ROBO2: variants seen among roughly 807,000 people sequenced by gnomAD.
ROBO2 encodes roundabout guidance receptor 2.
ROBO2 carries 53 observed loss-of-function variants against 160.8 expected under a neutral mutation model. That is an observed-to-expected ratio of 0.33 (90% CI 0.26 to 0.41). The LOEUF (loss-of-function observed/expected upper bound fraction) is 0.41, where lower values mean the gene tolerates loss of function less well. Ranked by LOEUF, ROBO2 falls within the 10% of genes least tolerant of loss-of-function variation. The pLI is 1.00. For synonymous variants in ROBO2, 664 were observed against 611.7 expected (o/e 1.09, Z -1.26); for missense variants, 1,577 against 1,722.4 (o/e 0.92, Z 1.49).
intron 2 of ROBO2, among the ~76,000 whole-genome samples, chr3:76,644,771 C>T (rs554067683): frequency 6.6e-6 from 1 of 152,296 alleles, no homozygotes; most frequent in East Asian, 1.9e-4. Context: ...ACATCCACAG[C>T]TGTATAGGGT....
chr3:77,376,253 C>A (rs1171029222), intron 2 of ROBO2, among the ~76,000 whole-genome samples: 2 of 145,484 alleles, frequency 1.4e-5, no homozygotes, highest in Non-Finnish European at 3.0e-5. Flanking sequence ...CTCCCAGGTT[C>A]AAGCGATTCT....
intron 2 of ROBO2, among the ~76,000 whole-genome samples, chr3:77,112,155 G>A (rs912360744): frequency 7.9e-5 from 11 of 139,642 alleles, no homozygotes; most frequent in Non-Finnish European, 3.0e-5. Context: ...TCGCGCCGCC[G>A]TCGCATTCCA....
At chr3:76,563,591 T>C (rs2084332454) in intron 2 of ROBO2, among the ~76,000 whole-genome samples, 1 of 152,200 alleles carries the variant, frequency 6.6e-6, no homozygotes, top group Non-Finnish European at 1.5e-5. Flanking sequence ...TTCTTACTCA[T>C]CAATTGTTTA....
intron 2 of ROBO2, among the ~76,000 whole-genome samples, chr3:77,367,166 G>T (rs989197960): frequency 6.6e-6 from 1 of 152,024 alleles, no homozygotes; most frequent in Non-Finnish European, 1.5e-5. Context: ...CATTGGAACT[G>T]CAAGACCACC....
intron 2 of ROBO2, among the ~76,000 whole-genome samples, chr3:76,512,136 A>T (rs147626259): frequency 0.016 from 2,432 of 152,210 alleles, 23 homozygotes; most frequent in South Asian, 0.048. Context: ...AATGAGGCAG[A>T]TGACTCTGGG....
At chr3:75,916,426 G>A (rs1946809398) in intron 1 of ROBO2, among the ~76,000 whole-genome samples, 2 of 152,066 alleles carry the variant, frequency 1.3e-5, no homozygotes, top group Non-Finnish European at 2.9e-5. Flanking sequence ...ATACCAACAT[G>A]GCAGCTCACA....
intron 2 of ROBO2, among the ~76,000 whole-genome samples, chr3:76,082,934 G>A (rs2068882347): frequency 6.6e-6 from 1 of 152,072 alleles, no homozygotes; most frequent in African/African-American, 2.4e-5. Context: ...GCATAGAGTA[G>A]AGACTGCAGA....
At chr3:76,985,575 G>GAAAAAAAAA in intron 2 of ROBO2, among the ~76,000 whole-genome samples, 28 of 26,380 alleles carry the variant, frequency 1.1e-3, no homozygotes, top group African/African-American at 1.5e-3. Context: ...GACTCCGTCT[G>GAAAAAAAAA]AAAAAAAAAA....
chr3:76,756,200 G>A (rs2060958935), intron 2 of ROBO2, among the ~76,000 whole-genome samples: 1 of 151,634 alleles, frequency 6.6e-6, no homozygotes, highest in Non-Finnish European at 1.5e-5. Flanking sequence ...TTTACTCTTC[G>A]AATATGTTTC....
rs149203558 is a variant in ROBO2, at chr3:77,315,357, C to T, written c.389-162057C>T. Among the ~76,000 whole-genome samples, 3 of 152,312 alleles carry T rather than the reference C, an allele frequency of 2.0e-5. 1 individual carries two copies. Among genetic ancestry groups the T allele is most frequent in the African/African-American group, 7.2e-5 (3 of 41,576 alleles). On this transcript the variant is annotated intron_variant, in intron 2 of 25. Transcript: ENST00000461745. ...CTCTCACATATTTGAGTTACAAGGT[C>T]TGAGGGTGAATGGTATTGTGTGATG...
intron 2 of ROBO2, among the ~76,000 whole-genome samples, chr3:76,907,845 T>TGTGTGTGTGTGG (rs1305701049): frequency 1.3e-5 from 2 of 151,664 alleles, no homozygotes; most frequent in Admixed American, 6.6e-5. Context: ...TGTGTGTGTG[T>TGTGTGTGTGTGG]GTGTGTGTGT....
chr3:76,105,064 G>A (rs2069861170), intron 2 of ROBO2, among the ~76,000 whole-genome samples: 1 of 151,996 alleles, frequency 6.6e-6, no homozygotes, highest in Non-Finnish European at 1.5e-5. Flanking sequence ...CTTTAGGTGG[G>A]TCATAAGCTC....
At chr3:76,679,322 T>G (rs1416122451) in intron 2 of ROBO2, among the ~76,000 whole-genome samples, 1 of 152,140 alleles carries the variant, frequency 6.6e-6, no homozygotes, top group African/African-American at 2.4e-5. Flanking sequence ...GACATTTATT[T>G]TATCTTATAA....
chr3:77,179,746 A>G (rs1193270716), intron 2 of ROBO2, among the ~76,000 whole-genome samples: 1 of 152,184 alleles, frequency 6.6e-6, no homozygotes, highest in Admixed American at 6.6e-5. Flanking sequence ...ATGAGTAAAC[A>G]TAAACAAAAC....
At chr3:77,098,577 G>T (rs2071419311) in intron 2 of ROBO2, among the ~76,000 whole-genome samples, 1 of 152,158 alleles carries the variant, frequency 6.6e-6, no homozygotes, top group South Asian at 2.1e-4. Context: ...GCCGGGCGCG[G>T]TGGCTCACGC....
chr3:76,418,257 G>A (rs537942305), intron 2 of ROBO2, among the ~76,000 whole-genome samples: 12 of 151,910 alleles, frequency 7.9e-5, no homozygotes, highest in Non-Finnish European at 1.8e-4. Context: ...GAGGGAGAGA[G>A]AGAGAGAGAT....
intron 2 of ROBO2, among the ~76,000 whole-genome samples, chr3:76,812,015 T>A (rs1161366510): frequency 6.6e-6 from 1 of 151,538 alleles, no homozygotes; most frequent in Non-Finnish European, 1.5e-5. Flanking sequence ...GGACTATAGG[T>A]GCCCACCACC....
At chr3:76,814,015 G>T (rs1316871919) in intron 2 of ROBO2, among the ~76,000 whole-genome samples, 1 of 151,974 alleles carries the variant, frequency 6.6e-6, no homozygotes, top group Non-Finnish European at 1.5e-5. Context: ...AAATACATAT[G>T]CCTGAGAAAC....
At chr3:77,015,801 GT>G (rs1490389780) in intron 2 of ROBO2, among the ~76,000 whole-genome samples, 1 of 152,088 alleles carries the variant, frequency 6.6e-6, no homozygotes, top group East Asian at 1.9e-4. Context: ...ACAAACAACC[GT>G]CTCCTATCTT....
Sources: allele counts gnomAD v4.1 joint callset (sites outside exome capture counted in the v4.1 genomes callset), GRCh38; gene constraint gnomAD v4.1.1; transcripts MANE v1.5; gene names NCBI Gene and HGNC (gene_info 2026-07-23, HGNC 2026-07-21).